VPS41: variants seen among roughly 807,000 people sequenced by gnomAD.
VPS41 encodes the protein vacuolar protein sorting-associated protein 41 homolog.
In VPS41, 85 loss-of-function variants were observed where a neutral mutation model predicts 130.9. That is an observed-to-expected ratio of 0.65 (90% CI 0.55 to 0.78). The LOEUF is 0.78. Ranked by LOEUF, VPS41 falls within the 30% of genes least tolerant of loss-of-function variation. The pLI is 0.00. For missense variants in VPS41, 874 were observed against 1,018.7 expected, an observed-to-expected ratio of 0.86 and a Z score of 1.93; for synonymous variants, 335 against 332.9, an observed-to-expected ratio of 1.01 and a Z score of -0.07.
At chr7:38,873,943 TAC>T (rs1400747309) in intron 2 of VPS41, among the ~76,000 whole-genome samples, 7 of 152,230 alleles carry the variant, frequency 4.6e-5, no homozygotes, top group Non-Finnish European at 8.8e-5. Flanking sequence ...GTGATGTTGT[TAC>T]AGTGTTACCA....
Position 38,803,718 on chromosome 7 carries a change from G to A in VPS41, c.451-6854C>T, listed in dbSNP as rs114238484. Among the ~76,000 whole-genome samples, 1,327 of 152,324 alleles carry A rather than the reference G, an allele frequency of 8.7e-3. 25 individuals carry two copies. Among genetic ancestry groups the A allele is most frequent in the African/African-American group, 0.029 (1,224 of 41,574 alleles). On this transcript the variant is annotated intron_variant, in intron 7 of 28. Coordinates refer to ENST00000310301, the MANE Select transcript of VPS41 (RefSeq NM_014396.4). ...GAAGGCAAGTGAGAAAAATATGAGT[G>A]AGTGTGGAGAAGACCTAGGATGGTG...
At chr7:38,757,088 G>A (rs1026684795) in intron 18 of VPS41, 106 bp from the exon 19 acceptor site, 2 of 882,716 alleles carry the variant, frequency 2.3e-6, no homozygotes, top group African/African-American at 3.4e-5. Flanking sequence ...CTCCTTTAGA[G>A]AGAAAAGTTA....
intron 18 of VPS41, 77 bp downstream of exon 18, chr7:38,758,277 G>T (rs1783844080): frequency 7.4e-6 from 10 of 1,353,506 alleles, no homozygotes; most frequent in Non-Finnish European, 9.1e-6. Context: ...TCTCCACTTG[G>T]AGTTTGCCAA....
intron 10 of VPS41, among the ~76,000 whole-genome samples, chr7:38,779,660 C>T (rs1784321792): frequency 6.6e-6 from 1 of 152,126 alleles, no homozygotes; most frequent in Non-Finnish European, 1.5e-5. Context: ...AACATAATTG[C>T]TTTTAGATTT....
At chr7:38,897,972 A>G in intron 2 of VPS41, 119 bp downstream of exon 2, 1 of 767,342 alleles carries the variant, frequency 1.3e-6, no homozygotes, top group South Asian at 1.9e-5. Context: ...AGGCTTAGTT[A>G]CCTATCGCCC....
At chr7:38,825,554 T>A (rs888147965) in intron 5 of VPS41, among the ~76,000 whole-genome samples, 1 of 152,232 alleles carries the variant, frequency 6.6e-6, no homozygotes, top group East Asian at 1.9e-4. Context: ...GAGATAAGAA[T>A]CACATAATTA....
intron 1 of VPS41, among the ~76,000 whole-genome samples, chr7:38,905,660 C>T (rs1787242942): frequency 6.6e-6 from 1 of 152,118 alleles, no homozygotes; most frequent in Admixed American, 6.5e-5. Context: ...AATGTGGAGA[C>T]ATTTAGTTTT....
Position 38,776,784 on chromosome 7 carries a change from C to T in VPS41, c.785-8G>A. ...CAGTTTCAAACTGAGACACTGCAAA[C>T]AAAAGGGATACAGGAGTCATCATCA... is the stretch of plus-strand genomic sequence containing the variant. On this transcript the variant is annotated splice_region_variant and splice_polypyrimidine_tract_variant and intron_variant, in intron 10 of 28. Transcript: ENST00000310301. 6.4e-7 allele frequency: 1 copy of T among 1,550,420 alleles called. No homozygotes were observed. Among genetic ancestry groups the T allele is most frequent in the East Asian group, 2.3e-5 (1 of 44,422 alleles).
chr7:38,890,015 G>GTA (rs1213084619), intron 2 of VPS41, among the ~76,000 whole-genome samples: 1 of 152,070 alleles, frequency 6.6e-6, no homozygotes, highest in Non-Finnish European at 1.5e-5. Flanking sequence ...GATAAGTTAT[G>GTA]TATATATATT....
chr7:38,774,002 T>C, intron 12 of VPS41, 113 bp downstream of exon 12: 1 of 1,074,676 alleles, frequency 9.3e-7, no homozygotes, highest in Non-Finnish European at 1.3e-6. Context: ...TCTACGCAGG[T>C]ATTCTCTTAA....
chr7:38,755,617 A>C (rs1783775322), intron 19 of VPS41, among the ~76,000 whole-genome samples: 2 of 152,308 alleles, frequency 1.3e-5, no homozygotes, highest in East Asian at 3.9e-4. Flanking sequence ...TGTCTGCTCC[A>C]AATGTTACTT....
At chr7:38,810,013 CAAA>C (rs1227865032) in intron 7 of VPS41, among the ~76,000 whole-genome samples, 2 of 151,606 alleles carry the variant, frequency 1.3e-5, no homozygotes, top group African/African-American at 4.8e-5. Flanking sequence ...ATTCTTGCTA[CAAA>C]AGAAGGTTAC....
At chr7:38,774,657 G>T (rs1784223089) in intron 11 of VPS41, among the ~76,000 whole-genome samples, 1 of 151,936 alleles carries the variant, frequency 6.6e-6, no homozygotes, top group South Asian at 2.1e-4. Context: ...AAAATAAAAA[G>T]AAAATCACTT....
At chr7:38,752,757 T>C (rs1469490619) in intron 21 of VPS41, among the ~76,000 whole-genome samples, 1 of 152,162 alleles carries the variant, frequency 6.6e-6, no homozygotes, top group African/African-American at 2.4e-5. Context: ...AGATGAGTGG[T>C]CTTCCCAGAT....
chr7:38,816,890 C>T (rs1189660699), intron 7 of VPS41, among the ~76,000 whole-genome samples: 1 of 152,062 alleles, frequency 6.6e-6, no homozygotes, highest in Non-Finnish European at 1.5e-5. Context: ...GGACTAGAGG[C>T]ATACCACCAC....
chr7:38,756,203 AG>A (rs1783789350), intron 19 of VPS41, among the ~76,000 whole-genome samples: 1 of 135,868 alleles, frequency 7.4e-6, no homozygotes, highest in South Asian at 2.4e-4. Flanking sequence ...ACTTGTAATT[AG>A]ATTTCTTTTA....
intron 7 of VPS41, among the ~76,000 whole-genome samples, chr7:38,812,959 T>A (rs1196796931): frequency 6.6e-6 from 1 of 152,190 alleles, no homozygotes; most frequent in Non-Finnish European, 1.5e-5. Flanking sequence ...ACAATCACTT[T>A]GGGAAACGGT....
chr7:38,856,878 T>C (rs1257791419), intron 4 of VPS41, among the ~76,000 whole-genome samples: 1 of 152,090 alleles, frequency 6.6e-6, no homozygotes, highest in African/African-American at 2.4e-5. Flanking sequence ...CCCATGGCAA[T>C]ATTTAGAAGG....
chr7:38,756,490 A>G (rs1259623896), intron 19 of VPS41, among the ~76,000 whole-genome samples: 4 of 152,216 alleles, frequency 2.6e-5, no homozygotes, highest in Admixed American at 6.5e-5. Context: ...AATTCTGGAA[A>G]ACAGGTTAGG....
Sources: gnomAD v4.1 joint callset for allele counts (sites outside exome capture counted in the v4.1 genomes callset) on GRCh38, gnomAD v4.1.1 for gene constraint, MANE v1.5 for transcripts, NCBI Gene and HGNC (gene_info 2026-07-23, HGNC 2026-07-21) for gene names.